COL24A1: variants seen among roughly 807,000 people sequenced by gnomAD.
COL24A1 encodes the protein collagen type XXIV alpha 1 chain, also known as collagen alpha-1(XXIV) chain.
COL24A1 carries 224 observed loss-of-function variants against 253.9 expected under a neutral mutation model. The observed-to-expected ratio is 0.88, with a 90% confidence interval of 0.79 to 0.99. The LOEUF is 0.99. Ranked by LOEUF, COL24A1 falls within the 50% of genes least tolerant of loss-of-function variation. COL24A1 has a pLI of 0.00. For synonymous variants in COL24A1, 685 were observed against 673.7 expected, an observed-to-expected ratio of 1.02 and a Z score of -0.26; for missense variants, 2,131 against 2,068.5, an observed-to-expected ratio of 1.03 and a Z score of -0.59.
intron 32 of COL24A1, among the ~76,000 whole-genome samples, chr1:85,885,377 G>GTGTATATATA (rs532854596): frequency 1.5e-5 from 2 of 135,926 alleles, no homozygotes; most frequent in Non-Finnish European, 3.1e-5. Flanking sequence ...ATTTTTGTGT[G>GTGTATATATA]TATATATATA....
intron 5 of COL24A1, among the ~76,000 whole-genome samples, chr1:86,107,140 C>G (rs1430336323): frequency 6.6e-6 from 1 of 152,094 alleles, no homozygotes; most frequent in African/African-American, 2.4e-5. Context: ...AAAAGAATTC[C>G]TCATTGTGTT....
chr1:85,767,074 A>G (rs1667456777), intron 53 of COL24A1, among the ~76,000 whole-genome samples: 1 of 151,292 alleles, frequency 6.6e-6, no homozygotes, highest in African/African-American at 2.4e-5. Context: ...ACTGCACTCC[A>G]GCCTGGGTGA....
At chr1:86,096,819 T>C (rs1425455268) in intron 5 of COL24A1, among the ~76,000 whole-genome samples, 2 of 152,246 alleles carry the variant, frequency 1.3e-5, no homozygotes, top group African/African-American at 2.4e-5. Flanking sequence ...TTTTATTTAA[T>C]GTGTCCAATA....
intron 43 of COL24A1, among the ~76,000 whole-genome samples, chr1:85,835,349 C>T (rs1047557030): frequency 2.6e-5 from 4 of 152,116 alleles, no homozygotes; most frequent in African/African-American, 9.7e-5. Flanking sequence ...GCAGGATGGT[C>T]TCGATCTCCT....
At chr1:85,807,468 T>C (rs965044621) in intron 47 of COL24A1, among the ~76,000 whole-genome samples, 1 of 152,192 alleles carries the variant, frequency 6.6e-6, no homozygotes, top group Non-Finnish European at 1.5e-5. Context: ...ATTATCACAA[T>C]AAGCTACAAT....
intron 47 of COL24A1, among the ~76,000 whole-genome samples, chr1:85,812,599 GA>G (rs1446780061): frequency 6.6e-6 from 1 of 152,182 alleles, no homozygotes; most frequent in Non-Finnish European, 1.5e-5. Context: ...TAATGGGTTT[GA>G]AAGGCTAATG....
intron 20 of COL24A1, among the ~76,000 whole-genome samples, chr1:85,973,609 G>A (rs992174977): frequency 1.3e-5 from 2 of 152,112 alleles, no homozygotes; most frequent in Non-Finnish European, 2.9e-5. Flanking sequence ...TAAGATAAGG[G>A]TGTGCATGAA....
intron 12 of COL24A1, among the ~76,000 whole-genome samples, chr1:86,044,581 A>T (rs1024256858): frequency 7.9e-5 from 12 of 152,214 alleles, no homozygotes; most frequent in Non-Finnish European, 1.5e-4. Flanking sequence ...AACTTTGAAA[A>T]TTTTGTAATA....
At chr1:85,914,303 A>ATTGT (rs1685651418) in intron 24 of COL24A1, among the ~76,000 whole-genome samples, 2 of 90,498 alleles carry the variant, frequency 2.2e-5, no homozygotes, top group African/African-American at 9.3e-5. Context: ...TTTTGTCATG[A>ATTGT]ATGTGTGTGT....
chr1:85,791,187 G>A (rs1452374317), intron 47 of COL24A1, among the ~76,000 whole-genome samples: 2 of 151,960 alleles, frequency 1.3e-5, no homozygotes, highest in East Asian at 3.8e-4. Context: ...CTACCAGCAC[G>A]GCCTGTTGGT....
intron 20 of COL24A1, among the ~76,000 whole-genome samples, chr1:85,977,827 C>T (rs1301371023): frequency 6.6e-6 from 1 of 152,038 alleles, no homozygotes; most frequent in African/African-American, 2.4e-5. Context: ...CGAAGAAAAC[C>T]TCCGTGGCCT....
At chr1:85,869,637 A>C (rs1680201951) in intron 35 of COL24A1, among the ~76,000 whole-genome samples, 1 of 152,196 alleles carries the variant, frequency 6.6e-6, no homozygotes, top group Admixed American at 6.5e-5. Flanking sequence ...CTTTAAGGAC[A>C]AACAAATGCT....
chr1:85,885,345 C>T (rs1476594778), intron 32 of COL24A1, among the ~76,000 whole-genome samples: 1 of 150,550 alleles, frequency 6.6e-6, no homozygotes, highest in Non-Finnish European at 1.5e-5. Context: ...GGATTACAGG[C>T]ACCCACCACC....
chr1:85,977,627 A>G (rs1692819390), intron 20 of COL24A1, among the ~76,000 whole-genome samples: 2 of 152,192 alleles, frequency 1.3e-5, no homozygotes, highest in Admixed American at 6.5e-5. Context: ...AGAACTTCAG[A>G]GCTCAAAGAC....
chr1:86,055,130 A>G (rs1252822647), intron 10 of COL24A1, among the ~76,000 whole-genome samples: 1 of 152,122 alleles, frequency 6.6e-6, no homozygotes, highest in Admixed American at 6.5e-5. Flanking sequence ...AATAAACACT[A>G]TAGATTCCCT....
At chr1:85,804,855 C>CTT (rs1002896976) in intron 47 of COL24A1, among the ~76,000 whole-genome samples, 2 of 143,336 alleles carry the variant, frequency 1.4e-5, no homozygotes, top group Non-Finnish European at 1.5e-5. Flanking sequence ...GGCAAATACT[C>CTT]TTTTTTTTTT....
At position 85,935,934 on chromosome 1, in the gene COL24A1, C is replaced by T. The variant is rs1045627039; in HGVS notation, c.2563-24501G>A. Among the ~76,000 whole-genome samples, 2 of 147,676 alleles carry T rather than the reference C, an allele frequency of 1.4e-5. 1 individual carries two copies. Among genetic ancestry groups the T allele is most frequent in the East Asian group, 4.3e-4 (2 of 4,702 alleles). Reference sequence around the variant, plus strand: ...AAGATTTAGGCCTTAGCAGAGAGGCCTATATCCAAAGCCTGATTAAGGCGG... The same window carrying T: ...AAGATTTAGGCCTTAGCAGAGAGGCTTATATCCAAAGCCTGATTAAGGCGG... On this transcript the variant is annotated intron_variant, in intron 24 of 59. Coordinates refer to ENST00000370571, the MANE Select transcript of COL24A1 (RefSeq NM_152890.7).
Position 85,729,268 on chromosome 1 carries a change from G to A in COL24A1, c.*1278C>T, listed in dbSNP as rs1663245788. ...CACATTTTTATTATAGATAGGTTAA[G>A]TGTGGTTTGCTGTGGCTAAAGATAT... is the stretch of plus-strand genomic sequence containing the variant. On this transcript the variant is annotated 3_prime_UTR_variant, in exon 60 of 60. Coordinates refer to ENST00000370571, the MANE Select transcript of COL24A1 (RefSeq NM_152890.7). The A allele has an allele frequency of 6.6e-6, 1 of 152,146 alleles. No individual in the cohort carries two copies. Among genetic ancestry groups the A allele is most frequent in the Non-Finnish European group, 1.5e-5 (1 of 68,008 alleles). 9.4% of individuals were successfully genotyped at this position (152,146 alleles called of 1,614,324 possible). A position where few individuals can be genotyped will look rare whatever the true frequency, so the allele number is the denominator to read the frequency against.
chr1:85,808,841 G>A (rs1277567423), intron 47 of COL24A1, among the ~76,000 whole-genome samples: 1 of 152,200 alleles, frequency 6.6e-6, no homozygotes, highest in Non-Finnish European at 1.5e-5. Context: ...GAGAACTGGA[G>A]TTATCATTCA....
Sources: allele counts gnomAD v4.1 joint callset (sites outside exome capture counted in the v4.1 genomes callset), GRCh38; gene constraint gnomAD v4.1.1; transcripts MANE v1.5; gene names NCBI Gene and HGNC (gene_info 2026-07-23, HGNC 2026-07-21).